The following PARD3 variants were observed in gnomAD, a reference collection of about 807,000 sequenced individuals.
The protein encoded by PARD3 is partitioning defective 3 homolog.
A neutral mutation model predicts 155.4 loss-of-function variants in PARD3; 75 were observed. The ratio of observed to expected loss-of-function variants is 0.48; its 90% CI spans 0.40 to 0.58. PARD3 has a LOEUF of 0.58. Ranked by LOEUF, PARD3 falls within the 20% of genes least tolerant of loss-of-function variation. The probability of loss-of-function intolerance (pLI) is 0.00; values close to 1 mark genes in which losing one functional copy is unlikely to be tolerated. For synonymous variants in PARD3, 576 were observed against 610.5 expected, an observed-to-expected ratio of 0.94 and a Z score of 0.83; for missense variants, 1,642 against 1,721.7, an observed-to-expected ratio of 0.95 and a Z score of 0.82.
At chr10:34,256,967 A>G (rs1015640088) in intron 22 of PARD3, among the ~76,000 whole-genome samples, 8 of 152,220 alleles carry the variant, frequency 5.3e-5, no homozygotes, top group Non-Finnish European at 1.0e-4. Context: ...AAAAATACTA[A>G]GGATATCTCA....
intron 22 of PARD3, among the ~76,000 whole-genome samples, chr10:34,215,262 C>A (rs1310411462): frequency 2.0e-5 from 3 of 152,060 alleles, no homozygotes; most frequent in African/African-American, 7.2e-5. Flanking sequence ...TAAACTGTGC[C>A]CAGACTTGTC....
intron 22 of PARD3, among the ~76,000 whole-genome samples, chr10:34,140,191 T>C (rs1948110563): frequency 1.3e-5 from 2 of 152,186 alleles, no homozygotes; most frequent in Admixed American, 1.3e-4. Flanking sequence ...ATAAAAACAT[T>C]GAAGCAGAGA....
intron 5 of PARD3, among the ~76,000 whole-genome samples, chr10:34,405,972 CTTCTG>C (rs1422789214): frequency 6.6e-6 from 1 of 152,144 alleles, no homozygotes; most frequent in Non-Finnish European, 1.5e-5. Context: ...ACAATGAAGA[CTTCTG>C]TTCTGTGTGT....
At chr10:34,673,916 G>C (rs2093651827) in intron 2 of PARD3, among the ~76,000 whole-genome samples, 1 of 150,902 alleles carries the variant, frequency 6.6e-6, no homozygotes, top group Non-Finnish European at 1.5e-5. Context: ...ACCCGGGAGG[G>C]AGAGGCTGCA....
chr10:34,463,733 G>C (rs1199920390), intron 4 of PARD3, among the ~76,000 whole-genome samples: 1 of 152,110 alleles, frequency 6.6e-6, no homozygotes, highest in African/African-American at 2.4e-5. Flanking sequence ...CCATAACAAC[G>C]TCAATGGACC....
At chr10:34,552,902 A>C (rs1228236849) in intron 2 of PARD3, among the ~76,000 whole-genome samples, 1 of 152,198 alleles carries the variant, frequency 6.6e-6, no homozygotes, top group East Asian at 1.9e-4. Flanking sequence ...TAAAACTGTA[A>C]TTACTTTTGC....
chr10:34,755,246 T>TA (rs376176701), intron 1 of PARD3, among the ~76,000 whole-genome samples: 4,098 of 135,668 alleles, frequency 0.03, 169 homozygotes, highest in African/African-American at 0.1. Context: ...TACTAAAAAT[T>TA]AAAAAAAAAA....
At chr10:34,336,273 C>G in intron 17 of PARD3, 30 bp from the exon 18 acceptor site, 1 of 1,577,150 alleles carries the variant, frequency 6.3e-7, no homozygotes, top group Non-Finnish European at 8.7e-7. Flanking sequence ...TAATAGTTAG[C>G]CCAGTTAGTT....
intron 4 of PARD3, among the ~76,000 whole-genome samples, chr10:34,454,458 G>A (rs1030838): frequency 0.29 from 43,271 of 151,648 alleles, 6,697 homozygotes; most frequent in East Asian, 0.43. Context: ...TATGGCACTC[G>A]TAACCAATCT....
chr10:34,138,560 G>A (rs1290424418), intron 22 of PARD3, among the ~76,000 whole-genome samples: 2 of 152,182 alleles, frequency 1.3e-5, no homozygotes, highest in East Asian at 3.9e-4. Flanking sequence ...GGCAGAGATT[G>A]ATGACCTGCT....
intron 14 of PARD3, 58 bp downstream of exon 14, chr10:34,359,089 G>A (rs956490361): frequency 7.1e-7 from 1 of 1,404,680 alleles, no homozygotes; most frequent in African/African-American, 1.4e-5. Context: ...CCCAAAATTA[G>A]GACAGAAATG....
chr10:34,605,641 CT>C lies in PARD3; in HGVS notation c.223-88483del. Among the ~76,000 whole-genome samples, 2 of 35,552 alleles carry C rather than the reference CT, an allele frequency of 5.6e-5. 1 individual carries two copies. The highest frequency in any genetic ancestry group is 0.029 in the Middle Eastern group (2 of 70). The allele number at this position is 35,552 out of a possible 152,430, so 23.3% of individuals were successfully genotyped here. ...TATATCTCCTATATATATATATCTCCTATATATATATATCTCCTATATATAT... is the reference window on the plus strand; with the variant it reads ...TATATCTCCTATATATATATATCTCCATATATATATATCTCCTATATATAT... On this transcript the variant is annotated intron_variant, in intron 2 of 24. Coordinates refer to ENST00000374788, the MANE Select transcript of PARD3 (RefSeq NM_001184785.2).
intron 2 of PARD3, among the ~76,000 whole-genome samples, chr10:34,620,688 T>G (rs1391588283): frequency 2.0e-5 from 3 of 152,206 alleles, no homozygotes; most frequent in Non-Finnish European, 4.4e-5. Context: ...AAGCTCACCT[T>G]GCAATTTCAG....
chr10:34,540,964 T>C (rs115702210), intron 2 of PARD3, among the ~76,000 whole-genome samples: 125 of 152,292 alleles, frequency 8.2e-4, no homozygotes, highest in African/African-American at 2.8e-3. Context: ...CTTAAGTATA[T>C]AGTCACCATA....
chr10:34,116,261 T>A (rs749580820), intron 24 of PARD3, among the ~76,000 whole-genome samples: 1 of 152,214 alleles, frequency 6.6e-6, no homozygotes. Flanking sequence ...AACCACCTTA[T>A]CTAATGCAAC....
At chr10:34,685,731 C>T (rs905346108) in intron 2 of PARD3, among the ~76,000 whole-genome samples, 4 of 151,944 alleles carry the variant, frequency 2.6e-5, no homozygotes, top group South Asian at 2.1e-4. Flanking sequence ...GTAACTGGGA[C>T]GACAGGCGCG....
At chr10:34,131,624 T>C in intron 22 of PARD3, 41 bp from the exon 23 acceptor site, 1 of 1,596,344 alleles carries the variant, frequency 6.3e-7, no homozygotes. Flanking sequence ...CCTTCAGAAA[T>C]ATTATCTGTG....
At chr10:34,805,560 T>C (rs574003035) in intron 1 of PARD3, among the ~76,000 whole-genome samples, 12 of 148,368 alleles carry the variant, frequency 8.1e-5, no homozygotes, top group East Asian at 3.9e-4. Context: ...TATATATATA[T>C]ATATATACAC....
At chr10:34,499,378 A>C (rs2080516565) in intron 3 of PARD3, among the ~76,000 whole-genome samples, 1 of 152,184 alleles carries the variant, frequency 6.6e-6, no homozygotes, top group Admixed American at 6.5e-5. Flanking sequence ...TTCTACGATG[A>C]TAGACTATTG....
Sources: allele counts gnomAD v4.1 joint callset (sites outside exome capture counted in the v4.1 genomes callset), GRCh38; gene constraint gnomAD v4.1.1; transcripts MANE v1.5; gene names NCBI Gene and HGNC (gene_info 2026-07-23, HGNC 2026-07-21).